The following PPP4R2 variants were observed in gnomAD, a reference collection of about 807,000 sequenced individuals.
PPP4R2 encodes the protein serine/threonine-protein phosphatase 4 regulatory subunit 2.
Under a neutral mutation model 47.2 loss-of-function variants are expected in PPP4R2, and 13 were observed. The ratio of observed to expected loss-of-function variants is 0.28; its 90% CI spans 0.18 to 0.44. The LOEUF is 0.44. PPP4R2 is among the 20% of genes least tolerant of loss of function. The pLI, the probability that PPP4R2 is intolerant of heterozygous loss-of-function variation, is 1.00. For synonymous variants in PPP4R2, 151 were observed against 163.3 expected, an observed-to-expected ratio of 0.92 and a Z score of 0.57; for missense variants, 421 against 491.2, an observed-to-expected ratio of 0.86 and a Z score of 1.35.
At chr3:73,062,914 A>G (rs1231127651) in intron 5 of PPP4R2, 2 of 1,599,380 alleles carry the variant, frequency 1.3e-6, no homozygotes, top group African/African-American at 2.7e-5. Context: ...CCAAGAAAGC[A>G]CAGATGACAA....
intron 5 of PPP4R2, chr3:73,062,779 G>C (rs755558923): frequency 1.2e-6 from 2 of 1,613,970 alleles, no homozygotes; most frequent in South Asian, 2.2e-5. Flanking sequence ...CTGCTAATCA[G>C]CTGCAATGCA....
At chr3:73,049,383 C>G (rs1431351024) in intron 3 of PPP4R2, among the ~76,000 whole-genome samples, 1 of 152,056 alleles carries the variant, frequency 6.6e-6, no homozygotes, top group Non-Finnish European at 1.5e-5. Context: ...CCCATAATCC[C>G]AGCTACTCGG....
At position 73,055,417 on chromosome 3, in the gene PPP4R2, CGTGTGTGTGT is replaced by C. The variant is rs10663655; in HGVS notation, c.288-3591_288-3582del. 1.8e-3 allele frequency among the ~76,000 whole-genome samples: 242 copies of C among 137,414 alleles called. 1 individual carries two copies. Among genetic ancestry groups the C allele is most frequent in the Admixed American group, 3.2e-3 (43 of 13,496 alleles). 90.1% of individuals were successfully genotyped at this position (137,414 alleles called of 152,430 possible). A position where few individuals can be genotyped will look rare whatever the true frequency, so the allele number is the denominator to read the frequency against. On this transcript the variant is annotated intron_variant, in intron 3 of 8. Transcript: ENST00000356692. ...TGAGTAAGGTCTCCTAGTGGGGTAG[CGTGTGTGTGT>C]GTGTGTGTGTGTGTGTGTGTGTGTG...
rs1702952063 is a variant in PPP4R2 at position 73,064,832 on chromosome 3, C to T, written c.639-20C>T. 6.4e-7 allele frequency: 1 copy of T among 1,557,856 alleles called. No homozygotes were observed. The highest frequency in any genetic ancestry group is 8.6e-7 in the Non-Finnish European group (1 of 1,156,680). On this transcript the variant is annotated intron_variant, in intron 7 of 8. Coordinates refer to ENST00000356692, the MANE Select transcript of PPP4R2 (RefSeq NM_174907.4). ...GGGGAAAATAATCTTATTAATGACA[C>T]TTTAAAAAAACATTTACAGTGACTC...
At chr3:73,018,446 A>ATGTT (rs1181953945) in intron 2 of PPP4R2, among the ~76,000 whole-genome samples, 1,526 of 105,112 alleles carry the variant, frequency 0.015, 33 homozygotes, top group African/African-American at 0.051. Context: ...ATGTTATGTT[A>ATGTT]TGTTATTTAT....
intron 2 of PPP4R2, among the ~76,000 whole-genome samples, chr3:73,021,528 G>A (rs1701959277): frequency 1.3e-5 from 2 of 152,000 alleles, no homozygotes; most frequent in African/African-American, 4.8e-5. Context: ...AAGCCATCAC[G>A]CCCAGCCTGG....
intron 5 of PPP4R2, 197 bp from the exon 6 acceptor site, chr3:73,063,476 T>C (rs760169043): frequency 3.5e-5 from 17 of 480,016 alleles, no homozygotes; most frequent in Non-Finnish European, 6.0e-5. Context: ...ATAAAAAAAA[T>C]AGCTGCGCAT....
intron 5 of PPP4R2, chr3:73,063,243 G>A (rs780602777): frequency 9.9e-6 from 3 of 302,322 alleles, no homozygotes; most frequent in South Asian, 4.1e-5. Context: ...CATCTACCCC[G>A]TAAGATCTTG....
At chr3:73,013,648 T>C (rs1457605807) in intron 2 of PPP4R2, among the ~76,000 whole-genome samples, 1 of 34,520 alleles carries the variant, frequency 2.9e-5, no homozygotes, top group African/African-American at 1.6e-4. Flanking sequence ...TTCTTTTTCT[T>C]TTTTTTTTTT....
intron 2 of PPP4R2, among the ~76,000 whole-genome samples, chr3:73,028,430 G>A (rs570008560): frequency 6.6e-6 from 1 of 151,994 alleles, no homozygotes; most frequent in East Asian, 1.9e-4. Context: ...AGTCAGCCGT[G>A]CAATATATAG....
At chr3:73,036,748 C>T (rs1006248233) in intron 2 of PPP4R2, among the ~76,000 whole-genome samples, 16 of 152,056 alleles carry the variant, frequency 1.1e-4, no homozygotes, top group African/African-American at 3.9e-4. Context: ...TTATTACTTA[C>T]GTGATTGGCA....
At chr3:73,036,066 A>G (rs1287370113) in intron 2 of PPP4R2, among the ~76,000 whole-genome samples, 1 of 152,254 alleles carries the variant, frequency 6.6e-6, no homozygotes, top group Non-Finnish European at 1.5e-5. Context: ...CAGATATAAA[A>G]AGAATGAATG....
intron 5 of PPP4R2, 32 bp downstream of exon 5, chr3:73,061,092 AT>A (rs1702848398): frequency 4.0e-6 from 4 of 1,007,908 alleles, no homozygotes; most frequent in Non-Finnish European, 4.3e-6. Context: ...CTAGTATATT[AT>A]TTACTATATT....
chr3:73,055,385 T>G (rs369641309), intron 3 of PPP4R2, among the ~76,000 whole-genome samples: 15 of 150,436 alleles, frequency 1.0e-4, no homozygotes, highest in South Asian at 4.2e-4. Flanking sequence ...TCAGGTAAAT[T>G]CAGTTTTGAG....
At chr3:73,027,133 G>GT (rs1017857434) in intron 2 of PPP4R2, among the ~76,000 whole-genome samples, 11 of 151,870 alleles carry the variant, frequency 7.2e-5, no homozygotes, top group African/African-American at 2.4e-4. Flanking sequence ...CTATTCCCCT[G>GT]TTTTTTTGTT....
chr3:73,005,757 G>A (rs922760386), intron 2 of PPP4R2, among the ~76,000 whole-genome samples: 2 of 149,640 alleles, frequency 1.3e-5, no homozygotes, highest in African/African-American at 2.5e-5. Context: ...ACCTGATCCC[G>A]GGAGGCAGAG....
At chr3:73,001,183 A>C (rs17010333) in intron 2 of PPP4R2, among the ~76,000 whole-genome samples, 1 of 152,074 alleles carries the variant, frequency 6.6e-6, no homozygotes, top group African/African-American at 2.4e-5. Context: ...ACTCAGCTAC[A>C]TAAAATACTA....
At chr3:73,055,134 C>A (rs1024783820) in intron 3 of PPP4R2, among the ~76,000 whole-genome samples, 2 of 152,042 alleles carry the variant, frequency 1.3e-5, no homozygotes, top group African/African-American at 4.8e-5. Flanking sequence ...TAAAGACAGA[C>A]CTATACTTTT....
At chr3:73,024,030 T>C (rs1702010884) in intron 2 of PPP4R2, among the ~76,000 whole-genome samples, 2 of 152,210 alleles carry the variant, frequency 1.3e-5, no homozygotes, top group South Asian at 4.1e-4. Flanking sequence ...TTAATACTTT[T>C]AAAAGGTAAA....
Sources: allele counts gnomAD v4.1 joint callset (sites outside exome capture counted in the v4.1 genomes callset), GRCh38; gene constraint gnomAD v4.1.1; transcripts MANE v1.5; gene names NCBI Gene and HGNC (gene_info 2026-07-23, HGNC 2026-07-21).